AGBL1: variants seen among roughly 807,000 people sequenced by gnomAD.
AGBL1 encodes the protein cytosolic carboxypeptidase 4.
A neutral mutation model predicts 118.9 loss-of-function variants in AGBL1; 130 were observed. That is an observed-to-expected ratio of 1.09 (90% confidence interval 0.95 to 1.26). The LOEUF is 1.26. AGBL1 is among the 50% of genes most tolerant of loss of function. AGBL1 has a pLI of 0.00. For synonymous variants in AGBL1, 555 were observed against 478.9 expected (o/e 1.16, Z -2.08); for missense variants, 1,584 against 1,298.1 (o/e 1.22, Z -3.38).
At chr15:86,339,261 G>C (rs1191354050) in intron 17 of AGBL1, among the ~76,000 whole-genome samples, 1 of 152,074 alleles carries the variant, frequency 6.6e-6, no homozygotes, top group Middle Eastern at 3.2e-3. Flanking sequence ...TCCATTTCTT[G>C]TTGTCTTCAA....
chr15:86,834,886 G>A (rs777093013), intron 22 of AGBL1, among the ~76,000 whole-genome samples: 6 of 152,318 alleles, frequency 3.9e-5, no homozygotes, highest in South Asian at 4.1e-4. Context: ...CCTATGAAAC[G>A]TGGGATCCAG....
At chr15:86,703,518 G>C (rs989165528) in intron 22 of AGBL1, among the ~76,000 whole-genome samples, 2 of 152,076 alleles carry the variant, frequency 1.3e-5, no homozygotes, top group Admixed American at 1.3e-4. Flanking sequence ...GCCTAGAACA[G>C]TGCGATAAAA....
intron 17 of AGBL1, among the ~76,000 whole-genome samples, chr15:86,341,501 G>A (rs1445275194): frequency 6.6e-6 from 1 of 152,108 alleles, no homozygotes; most frequent in African/African-American, 2.4e-5. Flanking sequence ...AATGACCAGG[G>A]ATTTTAGCTG....
intron 21 of AGBL1, among the ~76,000 whole-genome samples, chr15:86,571,706 T>C (rs2084009329): frequency 1.3e-5 from 2 of 152,168 alleles, no homozygotes; most frequent in South Asian, 4.1e-4. Context: ...GGGTGTTTAT[T>C]GGCCTCAGAG....
intron 23 of AGBL1, among the ~76,000 whole-genome samples, chr15:86,950,502 T>A (rs1031223372): frequency 4.0e-5 from 6 of 149,212 alleles, no homozygotes; most frequent in African/African-American, 1.5e-4. Context: ...AGAAAAGCAG[T>A]AACCAAAAAG....
At chr15:86,307,199 G>A (rs1015818558) in intron 17 of AGBL1, among the ~76,000 whole-genome samples, 3 of 152,026 alleles carry the variant, frequency 2.0e-5, no homozygotes, top group African/African-American at 7.2e-5. Context: ...TAAAATGTTT[G>A]TGATTTTCAT....
At position 86,600,166 on chromosome 15, in the gene AGBL1, C is replaced by G. The variant is rs75442532; in HGVS notation, c.2994+45629C>G. ...CAACATCCTTGGAGAAGGATGTCAG[C>G]TAACTGAAATAGGTTCGGAGGAAGT... is the stretch of plus-strand genomic sequence containing the variant. On this transcript the variant is annotated intron_variant, in intron 21 of 22. Transcript: ENST00000614907. Among the ~76,000 whole-genome samples the G allele has an allele frequency of 2.0e-3, 300 of 152,192 alleles. 7 individuals carry two copies. In the East Asian group the frequency reaches 0.053, roughly 27 times the overall value.
intron 19 of AGBL1, among the ~76,000 whole-genome samples, chr15:86,534,605 T>G (rs1174926343): frequency 6.6e-6 from 1 of 152,152 alleles, no homozygotes; most frequent in Non-Finnish European, 1.5e-5. Context: ...TCTCTTTTGT[T>G]TGTTAGAGAG....
At chr15:86,729,617 T>C (rs1005439952) in intron 22 of AGBL1, among the ~76,000 whole-genome samples, 8 of 152,246 alleles carry the variant, frequency 5.3e-5, no homozygotes, top group Non-Finnish European at 1.5e-5. Context: ...TTTGTTCTTT[T>C]TTATGGCTGC....
At chr15:86,475,906 T>TG (rs780953756) in intron 18 of AGBL1, among the ~76,000 whole-genome samples, 39 of 151,994 alleles carry the variant, frequency 2.6e-4, no homozygotes, top group Non-Finnish European at 5.4e-4. Flanking sequence ...CAGAAGAGAG[T>TG]GGGGGCCAAT....
intron 17 of AGBL1, among the ~76,000 whole-genome samples, chr15:86,346,093 C>T (rs112554943): frequency 0.13 from 19,633 of 151,762 alleles, 1,367 homozygotes; most frequent in Admixed American, 0.17. Context: ...AATGATTCTC[C>T]TGCCTCAGCC....
At chr15:86,882,430 C>A (rs539999608) in intron 22 of AGBL1, among the ~76,000 whole-genome samples, 5 of 151,904 alleles carry the variant, frequency 3.3e-5, no homozygotes, top group African/African-American at 1.2e-4. Flanking sequence ...AGTCACTACA[C>A]CATTTCTCCC....
At chr15:86,464,958 G>A (rs568707799) in intron 18 of AGBL1, among the ~76,000 whole-genome samples, 13 of 151,926 alleles carry the variant, frequency 8.6e-5, no homozygotes, top group Non-Finnish European at 1.5e-4. Context: ...CTGTCTTGCT[G>A]GGTTGGGGAG....
chr15:86,959,403 C>T (rs1200958039), intron 23 of AGBL1, among the ~76,000 whole-genome samples: 2 of 151,920 alleles, frequency 1.3e-5, no homozygotes, highest in Non-Finnish European at 2.9e-5. Flanking sequence ...AAAAAATGTC[C>T]CTGCCTGGAA....
intron 21 of AGBL1, among the ~76,000 whole-genome samples, chr15:86,612,396 T>G (rs2084669347): frequency 8.3e-6 from 1 of 120,262 alleles, no homozygotes; most frequent in Admixed American, 1.2e-4. Context: ...CCAAGGGGAT[T>G]CCAAAAAAAC....
intron 18 of AGBL1, among the ~76,000 whole-genome samples, chr15:86,424,982 T>G (rs57461351): frequency 0.022 from 3,382 of 152,236 alleles, 124 homozygotes; most frequent in African/African-American, 0.078. Context: ...GACAGTGTGG[T>G]GATTCCTCAA....
chr15:86,157,188 C>G (rs941228699), intron 4 of AGBL1, among the ~76,000 whole-genome samples: 1 of 152,054 alleles, frequency 6.6e-6, no homozygotes, highest in Non-Finnish European at 1.5e-5. Context: ...ATGCTTGAAT[C>G]CTTGTTCACA....
chr15:86,391,779 C>T (rs1487379356), intron 17 of AGBL1, among the ~76,000 whole-genome samples: 1 of 150,852 alleles, frequency 6.6e-6, no homozygotes, highest in Admixed American at 6.6e-5. Context: ...TCTTGCCTTC[C>T]AAACGGCCTG....
chr15:86,259,142 T>A (rs2078943717), intron 9 of AGBL1, among the ~76,000 whole-genome samples: 1 of 152,202 alleles, frequency 6.6e-6, no homozygotes, highest in South Asian at 2.1e-4. Context: ...GCCTTGTGCA[T>A]TGTAGGATGT....
Sources: gnomAD v4.1 joint callset for allele counts (sites outside exome capture counted in the v4.1 genomes callset) on GRCh38, gnomAD v4.1.1 for gene constraint, MANE v1.5 for transcripts, NCBI Gene and HGNC (gene_info 2026-07-23, HGNC 2026-07-21) for gene names.